PKIG: variants seen among roughly 807,000 people sequenced by gnomAD.
PKIG encodes cAMP-dependent protein kinase inhibitor gamma, also known as protein kinase (cAMP-dependent, catalytic) inhibitor gamma.
A neutral mutation model predicts 6.8 loss-of-function variants in PKIG; 1 was observed. That is an observed-to-expected ratio of 0.15 (90% CI 0.05 to 0.69). The LOEUF (loss-of-function observed/expected upper bound fraction) is 0.69, where lower values mean the gene tolerates loss of function less well. Among genes scored for constraint, PKIG ranks in the 30% least tolerant of loss-of-function variants. The probability of loss-of-function intolerance (pLI) is 0.82; values close to 1 mark genes in which losing one functional copy is unlikely to be tolerated. For missense variants in PKIG, 77 were observed against 104.0 expected, an observed-to-expected ratio of 0.74 and a Z score of 1.13; for synonymous variants, 39 against 43.0, an observed-to-expected ratio of 0.91 and a Z score of 0.36.
intron 1 of PKIG, among the ~76,000 whole-genome samples, chr20:44,572,639 T>C (rs968206200): frequency 6.6e-6 from 1 of 152,116 alleles, no homozygotes; most frequent in African/African-American, 2.4e-5. Flanking sequence ...GCCCAGAGAT[T>C]TGTCATCCAA....
intron 1 of PKIG, among the ~76,000 whole-genome samples, chr20:44,559,757 C>G (rs1164104721): frequency 6.6e-6 from 1 of 152,184 alleles, no homozygotes; most frequent in Non-Finnish European, 1.5e-5. Flanking sequence ...CTAGCCACTT[C>G]TTGGTGAATA....
intron 1 of PKIG, among the ~76,000 whole-genome samples, chr20:44,568,778 A>AGATATTCTTCG (rs1277036598): frequency 6.6e-6 from 1 of 152,084 alleles, no homozygotes; most frequent in South Asian, 2.1e-4. Flanking sequence ...TAATGTCATC[A>AGATATTCTTCG]GATATTCTTC....
chr20:44,565,201 C>T (rs2064800267), intron 1 of PKIG, among the ~76,000 whole-genome samples: 3 of 152,050 alleles, frequency 2.0e-5, no homozygotes, highest in African/African-American at 2.4e-5. Context: ...ATTTATTAAG[C>T]GCCTTCTGTT....
intron 1 of PKIG, among the ~76,000 whole-genome samples, chr20:44,544,401 A>C (rs202053861): frequency 3.3e-5 from 5 of 152,214 alleles, no homozygotes; most frequent in South Asian, 2.1e-4. Flanking sequence ...TAAAGAAGAC[A>C]GGTTATTTTT....
intron 2 of PKIG, among the ~76,000 whole-genome samples, chr20:44,600,401 A>G (rs576616740): frequency 6.6e-5 from 10 of 152,332 alleles, no homozygotes; most frequent in African/African-American, 2.4e-4. Context: ...CCTGCCTGCC[A>G]TATAAAAAAT....
intron 1 of PKIG, among the ~76,000 whole-genome samples, chr20:44,572,957 A>G (rs1278958827): frequency 5.3e-5 from 8 of 152,218 alleles, no homozygotes; most frequent in African/African-American, 7.2e-5. Context: ...CGCTGATCTA[A>G]GAAGATTCCT....
In PKIG at chr20:44,570,461, A is replaced by C. The variant is rs550117820; in HGVS notation, c.-240-12124A>C. Among the ~76,000 whole-genome samples the C allele has an allele frequency of 1.6e-3, 242 of 152,320 alleles. 3 individuals carry two copies. The South Asian group carries it at 0.027, about 17-fold the overall frequency. ...TATCATCCTGAGGGAGGTAGTTTAG[A>C]GTGTGGACTTTGTCGTCATACATAC... On this transcript the variant is annotated intron_variant, in intron 1 of 4. Transcript: ENST00000372887.
chr20:44,617,904 A>C (rs185924668), intron 3 of PKIG, among the ~76,000 whole-genome samples: 7 of 151,890 alleles, frequency 4.6e-5, no homozygotes, highest in South Asian at 2.1e-4. Context: ...AATTAAAAAA[A>C]AAACAAACAA....
At chr20:44,585,229 G>C (rs776403556) in intron 1 of PKIG, 1 of 152,290 alleles carries the variant, frequency 6.6e-6, no homozygotes, top group African/African-American at 2.4e-5. Context: ...ACCAGATGAG[G>C]GTGGCTTTCA....
At chr20:44,574,026 T>G (rs1303888806) in intron 1 of PKIG, among the ~76,000 whole-genome samples, 1 of 152,210 alleles carries the variant, frequency 6.6e-6, no homozygotes, top group East Asian at 1.9e-4. Flanking sequence ...TGCTTACCCC[T>G]CACCCTGAGG....
chr20:44,540,978 T>A (rs1467935947), intron 1 of PKIG, among the ~76,000 whole-genome samples: 1 of 152,132 alleles, frequency 6.6e-6, no homozygotes, highest in Non-Finnish European at 1.5e-5. Flanking sequence ...CTCGTCAGTA[T>A]TAGTTGGTTG....
At chr20:44,571,444 G>C (rs6073484) in intron 1 of PKIG, among the ~76,000 whole-genome samples, 2 of 152,054 alleles carry the variant, frequency 1.3e-5, no homozygotes, top group Admixed American at 1.3e-4. Flanking sequence ...GTCCCTTTTA[G>C]GAATCTCTTC....
At chr20:44,532,501 G>T (rs1296056364) in intron 1 of PKIG, among the ~76,000 whole-genome samples, 1 of 152,214 alleles carries the variant, frequency 6.6e-6, no homozygotes, top group Non-Finnish European at 1.5e-5. Flanking sequence ...CATTTATTGT[G>T]AGCCACGGCC....
intron 1 of PKIG, 21 bp from the exon 2 acceptor site, chr20:44,589,776 G>A (rs2065019815): frequency 6.6e-6 from 1 of 152,210 alleles, no homozygotes; most frequent in South Asian, 2.1e-4. Flanking sequence ...TCTAATTTTT[G>A]TTTTTCTTCT....
At chr20:44,549,126 A>G (rs370320541) in intron 1 of PKIG, among the ~76,000 whole-genome samples, 1 of 152,180 alleles carries the variant, frequency 6.6e-6, no homozygotes, top group South Asian at 2.1e-4. Flanking sequence ...TTTGGATTTG[A>G]CTTTTTAAAA....
rs77775131 is a variant in PKIG at position 44,601,443 on chromosome 20, A to G, written c.-24+11577A>G. Among the ~76,000 whole-genome samples, 1,793 of 152,304 alleles carry G rather than the reference A, an allele frequency of 0.012. 124 individuals carry two copies. The East Asian group carries it at 0.16, about 14-fold the overall frequency. On this transcript the variant is annotated intron_variant, in intron 2 of 3. Transcript: ENST00000372886. ...GCAGCCAGCCCCAGGCAGGCCACAC[A>G]TGGATAGAACCGGCAGCCCTCCCTT...
At chr20:44,544,022 C>G (rs1025191523) in intron 1 of PKIG, among the ~76,000 whole-genome samples, 1 of 151,002 alleles carries the variant, frequency 6.6e-6, no homozygotes. Context: ...TGAGGTCACA[C>G]CACTGCACTC....
At chr20:44,573,275 C>CCT (rs750501285) in intron 1 of PKIG, among the ~76,000 whole-genome samples, 46 of 152,252 alleles carry the variant, frequency 3.0e-4, no homozygotes, top group African/African-American at 1.1e-3. Context: ...AATGTCTCCC[C>CCT]CTCTCTCTCT....
intron 1 of PKIG, among the ~76,000 whole-genome samples, chr20:44,545,282 G>A (rs889458980): frequency 6.6e-6 from 1 of 152,024 alleles, no homozygotes; most frequent in Non-Finnish European, 1.5e-5. Context: ...GTTGCTAACA[G>A]TGACAATCAA....
Sources: allele counts gnomAD v4.1 joint callset (sites outside exome capture counted in the v4.1 genomes callset), GRCh38; gene constraint gnomAD v4.1.1; transcripts MANE v1.5; gene names NCBI Gene and HGNC (gene_info 2026-07-23, HGNC 2026-07-21).